The following OPRM1 variants were observed in gnomAD, a reference collection of about 807,000 sequenced individuals.
The protein encoded by OPRM1 is mu-type opioid receptor.
In OPRM1, 27 loss-of-function variants were observed where a neutral mutation model predicts 31.8. The ratio of observed to expected loss-of-function variants is 0.85; its 90% CI spans 0.63 to 1.17. The LOEUF is 1.17. Ranked by LOEUF, OPRM1 falls within the 50% of genes most tolerant of loss-of-function variation. The probability of loss-of-function intolerance (pLI) is 0.00; values close to 1 mark genes in which losing one functional copy is unlikely to be tolerated. For synonymous variants in OPRM1, 196 were observed against 189.9 expected (o/e 1.03, Z -0.26); for missense variants, 536 against 511.1 (o/e 1.05, Z -0.47).
chr6:154,224,587 T>C (rs1779111809), intron 3 of OPRM1, among the ~76,000 whole-genome samples: 1 of 152,104 alleles, frequency 6.6e-6, no homozygotes, highest in Non-Finnish European at 1.5e-5. Flanking sequence ...GGTGGGCCCC[T>C]GTAATTTCAG....
At chr6:154,117,753 A>G (rs1262513434) in intron 3 of OPRM1, among the ~76,000 whole-genome samples, 2 of 152,050 alleles carry the variant, frequency 1.3e-5, no homozygotes, top group Non-Finnish European at 2.9e-5. Context: ...CCTGGCCATG[A>G]TGGACTGCCT....
intron 1 of OPRM1, among the ~76,000 whole-genome samples, chr6:154,031,749 AT>A (rs1202265234): frequency 2.0e-5 from 3 of 152,330 alleles, no homozygotes; most frequent in Non-Finnish European, 4.4e-5. Flanking sequence ...TCGGAAAAAA[AT>A]AATAATAAAA....
At chr6:154,234,960 C>A (rs1583867949) in intron 3 of OPRM1, among the ~76,000 whole-genome samples, 2 of 152,330 alleles carry the variant, frequency 1.3e-5, no homozygotes, top group South Asian at 2.1e-4. Context: ...CTTTCGGAAG[C>A]TTTAAAACCC....
intron 1 of OPRM1, 52 bp downstream of exon 1, chr6:154,039,886 A>G (rs1246588815): frequency 1.4e-6 from 2 of 1,470,210 alleles, no homozygotes; most frequent in African/African-American, 2.8e-5. Flanking sequence ...TTAAGGGGGT[A>G]CAAAGAGACA....
chr6:154,016,612 A>G (rs1778019210), intron 1 of OPRM1, among the ~76,000 whole-genome samples: 1 of 152,216 alleles, frequency 6.6e-6, no homozygotes, highest in Admixed American at 6.5e-5. Context: ...TGCTGATAAA[A>G]CATATTGCAA....
chr6:154,222,089 C>G (rs1281643253), intron 3 of OPRM1, among the ~76,000 whole-genome samples: 4 of 152,158 alleles, frequency 2.6e-5, no homozygotes, highest in African/African-American at 9.7e-5. Context: ...AGGTATGGAA[C>G]GTCCACTCTG....
chr6:154,228,174 T>G (rs1309538594), intron 3 of OPRM1, among the ~76,000 whole-genome samples: 1 of 151,930 alleles, frequency 6.6e-6, no homozygotes, highest in Non-Finnish European at 1.5e-5. Flanking sequence ...CTAAAAAGTT[T>G]CCTGCAGGCA....
intron 3 of OPRM1, among the ~76,000 whole-genome samples, chr6:154,245,429 T>C (rs74933981): frequency 0.032 from 4,809 of 152,310 alleles, 246 homozygotes; most frequent in African/African-American, 0.11. Context: ...GATTTGGGTC[T>C]GGTTTAACCA....
At chr6:154,095,808 G>A (rs1793274255) in intron 3 of OPRM1, among the ~76,000 whole-genome samples, 1 of 152,134 alleles carries the variant, frequency 6.6e-6, no homozygotes, top group South Asian at 2.1e-4. Flanking sequence ...TTATTAGGTA[G>A]ACTAAGGCAT....
At chr6:154,038,297 G>A (rs749479860), upstream of OPRM1, among the ~76,000 whole-genome samples, 2 of 151,826 alleles carry the variant, frequency 1.3e-5, no homozygotes, top group Non-Finnish European at 2.9e-5. Context: ...ACAGAAATGA[G>A]AATTACTTCA....
rs981459827 is a variant in OPRM1 at position 154,131,695 on chromosome 6, A to G, written c.*12974A>G. On this transcript the variant is annotated 3_prime_UTR_variant, in exon 4 of 4. Coordinates refer to ENST00000330432, the MANE Select transcript of OPRM1 (RefSeq NM_000914.5). ...TTGTATCCAAGTAAATGAAAACACAATCACCTTTCAAAACATGGTATGAAA... is the reference window on the plus strand; with the variant it reads ...TTGTATCCAAGTAAATGAAAACACAGTCACCTTTCAAAACATGGTATGAAA... Among the ~76,000 whole-genome samples the G allele has an allele frequency of 6.6e-6, 1 of 152,212 alleles. No homozygotes were observed. Among genetic ancestry groups the G allele is most frequent in the Non-Finnish European group, 1.5e-5 (1 of 68,030 alleles).
At chr6:154,072,072 C>G (rs904324171) in intron 1 of OPRM1, among the ~76,000 whole-genome samples, 8 of 152,110 alleles carry the variant, frequency 5.3e-5, no homozygotes, top group Admixed American at 5.2e-4. Flanking sequence ...CTATTATATA[C>G]TGTCCCTTCT....
intron 1 of OPRM1, chr6:154,087,647 G>T: frequency 1.0e-6 from 1 of 952,568 alleles, no homozygotes; most frequent in Non-Finnish European, 1.3e-6. Context: ...ACTGGCTCTG[G>T]TTGGAACATG....
At chr6:154,097,182 G>T (rs1403332394) in intron 3 of OPRM1, among the ~76,000 whole-genome samples, 1 of 152,184 alleles carries the variant, frequency 6.6e-6, no homozygotes, top group Non-Finnish European at 1.5e-5. Context: ...GTCGTGGCAT[G>T]TCCTGCTAAT....
chr6:154,237,095 G>A (rs1312901268), intron 3 of OPRM1, among the ~76,000 whole-genome samples: 12 of 152,218 alleles, frequency 7.9e-5, no homozygotes, highest in Admixed American at 7.9e-4. Context: ...TAGCTTGTCT[G>A]TAGAAGAAGC....
At chr6:154,203,606 T>C (rs775699527) in intron 3 of OPRM1, among the ~76,000 whole-genome samples, 1 of 152,160 alleles carries the variant, frequency 6.6e-6, no homozygotes, top group African/African-American at 2.4e-5. Flanking sequence ...ACTGTGGGAC[T>C]TGAGTATGCA....
chr6:154,215,675 C>T (rs183071323), intron 3 of OPRM1, among the ~76,000 whole-genome samples: 2 of 152,054 alleles, frequency 1.3e-5, no homozygotes, highest in East Asian at 3.9e-4. Context: ...CAAAGATGAG[C>T]TCCAGCCTTT....
intron 1 of OPRM1, among the ~76,000 whole-genome samples, chr6:154,042,877 C>T (rs2128400769): frequency 6.6e-6 from 1 of 152,038 alleles, no homozygotes; most frequent in African/African-American, 2.4e-5. Context: ...ATACTACAAA[C>T]AGTAGCAATC....
At chr6:154,136,280 C>T (rs2128536352), downstream of OPRM1, among the ~76,000 whole-genome samples, 1 of 152,290 alleles carries the variant, frequency 6.6e-6, no homozygotes, top group East Asian at 1.9e-4. Context: ...TCACCACTCT[C>T]CTGCCCCTCG....
Sources: allele counts gnomAD v4.1 joint callset (sites outside exome capture counted in the v4.1 genomes callset), GRCh38; gene constraint gnomAD v4.1.1; transcripts MANE v1.5; gene names NCBI Gene and HGNC (gene_info 2026-07-23, HGNC 2026-07-21).